BCL11A: variants seen among roughly 807,000 people sequenced by gnomAD.
The protein encoded by BCL11A is BCL11 transcription factor A.
A neutral mutation model predicts 55.9 loss-of-function variants in BCL11A; 2 were observed. That is an observed-to-expected ratio of 0.04 (90% CI 0.01 to 0.11). BCL11A has a LOEUF of 0.11. Ranked by LOEUF, BCL11A falls within the 10% of genes least tolerant of loss-of-function variation. The pLI is 1.00. For missense variants in BCL11A, 817 were observed against 1,137.1 expected (o/e 0.72, Z 4.05); for synonymous variants, 465 against 473.4 (o/e 0.98, Z 0.23).
At chr2:60,524,028 T>C (rs1370021218) in intron 2 of BCL11A, among the ~76,000 whole-genome samples, 1 of 152,254 alleles carries the variant, frequency 6.6e-6, no homozygotes, top group African/African-American at 2.4e-5. Flanking sequence ...GGGTGCTTTA[T>C]TGTTTGAGAG....
chr2:60,477,600 T>TAAAGAAAG (rs10631738), intron 2 of BCL11A, among the ~76,000 whole-genome samples: 18,498 of 150,430 alleles, frequency 0.12, 2,063 homozygotes, highest in East Asian at 0.58. Flanking sequence ...TAGAGTAAAA[T>TAAAGAAAG]AAATAAAGAA....
chr2:60,451,309 T>G, exon 5 of BCL11A: 1 of 227,544 alleles, frequency 4.4e-6, no homozygotes, highest in East Asian at 6.3e-5. Flanking sequence ...TGTATGTGAA[T>G]CTACAGCACA....
intron 3 of BCL11A, among the ~76,000 whole-genome samples, chr2:60,464,195 T>C (rs1248460994): frequency 6.6e-6 from 1 of 152,172 alleles, no homozygotes; most frequent in Non-Finnish European, 1.5e-5. Context: ...GATTAGATGG[T>C]AAGATACCAA....
At chr2:60,511,334 C>T (rs1054078633) in intron 2 of BCL11A, among the ~76,000 whole-genome samples, 17 of 152,234 alleles carry the variant, frequency 1.1e-4, no homozygotes, top group African/African-American at 4.1e-4. Context: ...TGAATAAGTG[C>T]TCCCCAGTAG....
chr2:60,503,097 G>T (rs1294427671), intron 2 of BCL11A, among the ~76,000 whole-genome samples: 2 of 152,140 alleles, frequency 1.3e-5, no homozygotes, highest in Non-Finnish European at 2.9e-5. Context: ...TGTGTGGAAG[G>T]GACAGACCCA....
At chr2:60,466,001 G>A (rs1676585272) in intron 3 of BCL11A, among the ~76,000 whole-genome samples, 1 of 152,160 alleles carries the variant, frequency 6.6e-6, no homozygotes, top group Non-Finnish European at 1.5e-5. Context: ...AGGGGCAGCA[G>A]GTTAATGCCG....
rs1319934356 is a variant in BCL11A, at chr2:60,553,549, G to C, written c.-279C>G. 3 of 409,976 alleles carry C rather than the reference G, an allele frequency of 7.3e-6. No individual in the cohort carries two copies. Among genetic ancestry groups the C allele is most frequent in the Admixed American group, 4.6e-5 (1 of 21,582 alleles). The allele number at this position is 409,976 out of a possible 1,614,324, so 25.4% of individuals were successfully genotyped here. On this transcript the variant is annotated 5_prime_UTR_variant, in exon 1 of 4. Transcript: ENST00000642384. ...GAGAAGAGAGATAGAGGGAGAGAGA[G>C]AGAGAGAGATGAAAAAAATGGCAAA... is the stretch of plus-strand genomic sequence containing the variant.
At chr2:60,514,494 T>C (rs1299876990) in intron 2 of BCL11A, among the ~76,000 whole-genome samples, 2 of 116,842 alleles carry the variant, frequency 1.7e-5, no homozygotes, top group Non-Finnish European at 3.6e-5. Context: ...CCATCTCTAC[T>C]TAAAAAAAAA....
In BCL11A at chr2:60,458,259, CT is replaced by C. The variant is rs1676038458; in HGVS notation, c.*2144del. On this transcript the variant is annotated 3_prime_UTR_variant, in exon 4 of 4. Transcript: ENST00000642384. ...ATTTAAGTACTATATAATCTTAAAC[CT>C]TTCCCCAATGTATGTTTTTTTTTTT... 1 of 1,024,514 alleles carries C rather than the reference CT, an allele frequency of 9.8e-7. No homozygotes were observed. Among genetic ancestry groups the C allele is most frequent in the African/African-American group, 1.7e-5 (1 of 58,736 alleles). 63.5% of individuals were successfully genotyped at this position (1,024,514 alleles called of 1,614,324 possible).
At chr2:60,548,504 C>A (rs1220235182) in intron 1 of BCL11A, among the ~76,000 whole-genome samples, 1 of 151,954 alleles carries the variant, frequency 6.6e-6, no homozygotes, top group African/African-American at 2.4e-5. Flanking sequence ...CAATCAAAAC[C>A]GGGAAATGAA....
chr2:60,553,278 T>G lies in BCL11A; in HGVS notation c.-8A>C. 1.3e-6 allele frequency: 2 copies of G among 1,573,272 alleles called. No individual in the cohort carries two copies. The highest frequency in any genetic ancestry group is 1.7e-6 in the Non-Finnish European group (2 of 1,166,792). ...TTGCTTGCGGCGAGACATGGTGGGC[T>G]GCGGGGCGGGCGGCGGCGGCGGCGG... On this transcript the variant is annotated 5_prime_UTR_variant, in exon 1 of 4. Coordinates refer to ENST00000642384, the MANE Select transcript of BCL11A (RefSeq NM_022893.4).
At chr2:60,452,422 C>G (rs1675761363), downstream of BCL11A, 2 of 640,664 alleles carry the variant, frequency 3.1e-6, no homozygotes, top group South Asian at 1.9e-5. Flanking sequence ...CGCTGCAGGC[C>G]TAGGCTGGAA....
At chr2:60,487,828 G>A (rs577557906) in intron 2 of BCL11A, among the ~76,000 whole-genome samples, 1 of 152,292 alleles carries the variant, frequency 6.6e-6, no homozygotes, top group Non-Finnish European at 1.5e-5. Flanking sequence ...AACCTTTAAT[G>A]GGAAATCTGG....
chr2:60,494,401 A>C (rs573614131), intron 2 of BCL11A, among the ~76,000 whole-genome samples: 16 of 152,334 alleles, frequency 1.1e-4, no homozygotes, highest in African/African-American at 3.8e-4. Flanking sequence ...AATTATCTCC[A>C]ATACCCTAAT....
At chr2:60,488,305 G>A (rs555726278) in intron 2 of BCL11A, among the ~76,000 whole-genome samples, 1 of 152,284 alleles carries the variant, frequency 6.6e-6, no homozygotes, top group South Asian at 2.1e-4. Flanking sequence ...CCGTCTCTTT[G>A]GTGCAGTGGG....
At chr2:60,530,767 CGGCCAAGTTCATCT>C (rs1007233268) in intron 2 of BCL11A, among the ~76,000 whole-genome samples, 1 of 151,992 alleles carries the variant, frequency 6.6e-6, no homozygotes, top group African/African-American at 2.4e-5. Flanking sequence ...GCCTGGCCCT[CGGCCAAGTTCATCT>C]GTTAATGGAC....
intron 2 of BCL11A, among the ~76,000 whole-genome samples, chr2:60,539,263 G>A (rs1028939810): frequency 2.0e-5 from 3 of 152,156 alleles, no homozygotes; most frequent in South Asian, 2.1e-4. Context: ...CCATCTGAGC[G>A]GCACCTGAGA....
At chr2:60,530,022 G>A (rs1294116989) in intron 2 of BCL11A, among the ~76,000 whole-genome samples, 1 of 152,158 alleles carries the variant, frequency 6.6e-6, no homozygotes, top group South Asian at 2.1e-4. Context: ...AGCTAAAAAT[G>A]TCAGGAAGTT....
chr2:60,553,395 T>C lies in BCL11A; in HGVS notation c.-125A>G. ...CAGAGAAAATATCTTCATCAGTGCC[T>C]TTTGACATCCAAAATAAATTAGAAA... On this transcript the variant is annotated 5_prime_UTR_variant, in exon 1 of 4. Coordinates refer to ENST00000642384, the MANE Select transcript of BCL11A (RefSeq NM_022893.4). The C allele has an allele frequency of 2.2e-6, 2 of 902,394 alleles. No homozygotes were observed. Among genetic ancestry groups the C allele is most frequent in the Admixed American group, 2.5e-5 (1 of 39,962 alleles). 55.9% of individuals were successfully genotyped at this position (902,394 alleles called of 1,614,324 possible). A position where few individuals can be genotyped will look rare whatever the true frequency, so the allele number is the denominator to read the frequency against.
Sources: allele counts gnomAD v4.1 joint callset (sites outside exome capture counted in the v4.1 genomes callset), GRCh38; gene constraint gnomAD v4.1.1; transcripts MANE v1.5; gene names NCBI Gene and HGNC (gene_info 2026-07-23, HGNC 2026-07-21).